ADGRV1: variants seen among roughly 807,000 people sequenced by gnomAD.
ADGRV1 encodes the protein G-protein coupled receptor 98.
A neutral mutation model predicts 596.2 loss-of-function variants in ADGRV1; 359 were observed. The ratio of observed to expected loss-of-function variants is 0.60; its 90% confidence interval spans 0.55 to 0.66. The LOEUF is 0.66. ADGRV1 is among the 30% of genes least tolerant of loss of function. The probability of loss-of-function intolerance (pLI) is 0.00; values close to 1 mark genes in which losing one functional copy is unlikely to be tolerated. For synonymous variants in ADGRV1, 2,681 were observed against 2,679.2 expected, an observed-to-expected ratio of 1.00 and a Z score of -0.02; for missense variants, 7,274 against 7,575.6, an observed-to-expected ratio of 0.96 and a Z score of 1.48.
Position 90,699,363 on chromosome 5 carries a change from G to A in ADGRV1, c.8155+2217G>A, listed in dbSNP as rs146606396. On this transcript the variant is annotated intron_variant, in intron 34 of 89. Transcript: ENST00000405460. Reference sequence around the variant, plus strand: ...CTTATTGGCTATAACAGCAAGGAGAGGAGAAGCATTGGATAGAACAGATGA... The same window carrying A: ...CTTATTGGCTATAACAGCAAGGAGAAGAGAAGCATTGGATAGAACAGATGA... Among the ~76,000 whole-genome samples the A allele has an allele frequency of 1.6e-4, 24 of 152,226 alleles. No individual in the cohort carries two copies. In the East Asian group the frequency reaches 4.4e-3, roughly 28 times the overall value.
At chr5:90,626,699 T>G (rs979537372) in intron 6 of ADGRV1, 2 of 152,252 alleles carry the variant, frequency 1.3e-5, no homozygotes, top group African/African-American at 4.8e-5. Context: ...CAGAGAGGCA[T>G]GATGTGTATC....
chr5:90,801,551 T>A (rs2150183516), intron 70 of ADGRV1, among the ~76,000 whole-genome samples: 1 of 152,062 alleles, frequency 6.6e-6, no homozygotes, highest in South Asian at 2.1e-4. Context: ...TTTTAGCACT[T>A]GACCCATGAT....
chr5:90,676,049 T>C, intron 24 of ADGRV1, 31 bp from the exon 25 acceptor site: 1 of 1,552,968 alleles, frequency 6.4e-7, no homozygotes, highest in Non-Finnish European at 8.8e-7. Flanking sequence ...AGAATGATTG[T>C]AATCTAATGG....
At chr5:91,049,280 C>T (rs1006818735) in intron 85 of ADGRV1, among the ~76,000 whole-genome samples, 17 of 152,150 alleles carry the variant, frequency 1.1e-4, no homozygotes, top group African/African-American at 4.1e-4. Flanking sequence ...ACTGGTTTAT[C>T]CCCATAAATT....
intron 84 of ADGRV1, among the ~76,000 whole-genome samples, chr5:90,971,383 G>C (rs878858311): frequency 4.6e-5 from 7 of 152,026 alleles, no homozygotes; most frequent in African/African-American, 1.4e-4. Flanking sequence ...AAAGCAACTC[G>C]AAGACACATA....
intron 85 of ADGRV1, among the ~76,000 whole-genome samples, chr5:91,000,676 G>GTGTT (rs928850015): frequency 1.3e-5 from 2 of 148,822 alleles, no homozygotes; most frequent in Non-Finnish European, 3.0e-5. Context: ...ATCTGTGTGT[G>GTGTT]TGTGTGTGTG....
intron 48 of ADGRV1, among the ~76,000 whole-genome samples, chr5:90,726,092 A>C (rs1432247930): frequency 6.6e-6 from 1 of 152,230 alleles, no homozygotes; most frequent in African/African-American, 2.4e-5. Flanking sequence ...ACTTCCATAC[A>C]TGCTTCACAA....
chr5:90,943,059 C>T (rs1215349740), intron 83 of ADGRV1, among the ~76,000 whole-genome samples: 1 of 152,148 alleles, frequency 6.6e-6, no homozygotes, highest in African/African-American at 2.4e-5. Flanking sequence ...CTGGCTGTCA[C>T]ATGTGTTCTT....
intron 1 of ADGRV1, among the ~76,000 whole-genome samples, chr5:90,571,073 C>G (rs1387705440): frequency 3.3e-5 from 5 of 151,584 alleles, no homozygotes; most frequent in Non-Finnish European, 5.9e-5. Flanking sequence ...TGTTGTTGTC[C>G]CTGATTTTAT....
At chr5:90,922,796 C>T (rs1007683901) in intron 83 of ADGRV1, among the ~76,000 whole-genome samples, 2 of 152,318 alleles carry the variant, frequency 1.3e-5, no homozygotes, top group East Asian at 1.9e-4. Flanking sequence ...AGTTCCCATA[C>T]GATCTGGTAC....
chr5:91,044,113 A>G (rs191482907), intron 85 of ADGRV1, among the ~76,000 whole-genome samples: 1 of 152,096 alleles, frequency 6.6e-6, no homozygotes, highest in Non-Finnish European at 1.5e-5. Context: ...ATTTCTGTAG[A>G]TGCATGAATC....
intron 85 of ADGRV1, among the ~76,000 whole-genome samples, chr5:91,036,499 T>C (rs1290768058): frequency 6.6e-6 from 1 of 151,656 alleles, no homozygotes; most frequent in East Asian, 1.9e-4. Context: ...GAGGCGGAGC[T>C]TGCAGTGAGC....
At chr5:90,821,417 G>A (rs1415083459) in intron 75 of ADGRV1, among the ~76,000 whole-genome samples, 4 of 151,878 alleles carry the variant, frequency 2.6e-5, no homozygotes, top group South Asian at 2.1e-4. Context: ...CTCTCAGCTC[G>A]TGAAAGTCAT....
chr5:90,831,252 C>T (rs1483186745), intron 77 of ADGRV1, among the ~76,000 whole-genome samples: 2 of 151,238 alleles, frequency 1.3e-5, no homozygotes, highest in Admixed American at 1.3e-4. Flanking sequence ...TATATACACA[C>T]ACACACATAC....
At chr5:90,718,091 A>C (rs1262792651) in intron 43 of ADGRV1, 2 of 152,162 alleles carry the variant, frequency 1.3e-5, no homozygotes, top group African/African-American at 2.4e-5. Context: ...TCTATTTCCA[A>C]AATTTTTCAT....
At chr5:91,035,864 T>TATATATATATATATAATATATATA (rs1784854179) in intron 85 of ADGRV1, among the ~76,000 whole-genome samples, 9 of 68,268 alleles carry the variant, frequency 1.3e-4, no homozygotes, top group Admixed American at 1.1e-3. Context: ...ATATATATTA[T>TATATATATATATATAATATATATA]ATATATATAT....
chr5:90,876,996 T>G lies in ADGRV1; in HGVS notation c.17856+13139T>G, dbSNP rs530955056. Among the ~76,000 whole-genome samples the G allele has an allele frequency of 5.5e-4, 84 of 152,106 alleles. 1 individual carries two copies. The highest frequency in any genetic ancestry group is 1.1e-3 in the Non-Finnish European group (76 of 68,012). The stretch of plus-strand genomic sequence containing the variant: ...TAAAGAAGTAAATAGATGAATACAG[T>G]AGAATGGTGTAAGCATATAATAGCA... On this transcript the variant is annotated intron_variant, in intron 83 of 89. Coordinates refer to ENST00000405460, the MANE Select transcript of ADGRV1 (RefSeq NM_032119.4).
chr5:90,637,730 C>T lies in ADGRV1; in HGVS notation c.2022C>T (p.Tyr674=). ...EPEDFAAEVV[Y]IPLHRDGTDG... ...TGTTCTTTTCTTTTTATAAGGTATA[C>T]ATTCCCTTACATCGGGATGGAACTG... The change falls in exon 11 of 90, where the codon TAC becomes TAT. Residue 674 remains tyrosine, a synonymous_variant. Coordinates refer to ENST00000405460, the MANE Select transcript of ADGRV1 (RefSeq NM_032119.4). The T allele has an allele frequency of 3.1e-6, 5 of 1,603,672 alleles. No individual in the cohort carries two copies. Among genetic ancestry groups the T allele is most frequent in the Non-Finnish European group, 4.3e-6 (5 of 1,173,938 alleles).
intron 1 of ADGRV1, among the ~76,000 whole-genome samples, chr5:90,575,464 G>T (rs1307636779): frequency 6.6e-6 from 1 of 152,074 alleles, no homozygotes; most frequent in Non-Finnish European, 1.5e-5. Flanking sequence ...TATTGGCCAG[G>T]CTGGTAAAAA....
Sources: allele counts gnomAD v4.1 joint callset (sites outside exome capture counted in the v4.1 genomes callset), GRCh38; gene constraint gnomAD v4.1.1; transcripts MANE v1.5; gene names NCBI Gene and HGNC (gene_info 2026-07-23, HGNC 2026-07-21).